The following RASSF2 variants were observed in gnomAD, a reference collection of about 807,000 sequenced individuals.
RASSF2 encodes ras association domain-containing protein 2.
In RASSF2, 34 loss-of-function variants were observed where a neutral mutation model predicts 46.3. That is an observed-to-expected ratio of 0.73 (90% CI 0.56 to 0.98). The LOEUF is 0.98. Ranked by LOEUF, RASSF2 falls within the 50% of genes least tolerant of loss-of-function variation. The pLI, the probability that RASSF2 is intolerant of heterozygous loss-of-function variation, is 0.00. For synonymous variants in RASSF2, 158 were observed against 162.5 expected, an observed-to-expected ratio of 0.97 and a Z score of 0.21; for missense variants, 364 against 431.2, an observed-to-expected ratio of 0.84 and a Z score of 1.38.
At chr20:4,804,423 T>G (rs986547938) in intron 2 of RASSF2, among the ~76,000 whole-genome samples, 1 of 140,498 alleles carries the variant, frequency 7.1e-6, no homozygotes, top group Non-Finnish European at 1.5e-5. Context: ...CTGCAACCTC[T>G]GCCTCCCAGG....
intron 5 of RASSF2, among the ~76,000 whole-genome samples, chr20:4,793,572 G>A (rs142559402): frequency 2.6e-4 from 39 of 152,290 alleles, no homozygotes; most frequent in African/African-American, 8.4e-4. Context: ...CCAGAGCAGC[G>A]ACTCCCACTC....
chr20:4,786,854 C>T (rs1359868459), intron 10 of RASSF2, among the ~76,000 whole-genome samples: 3 of 152,010 alleles, frequency 2.0e-5, no homozygotes, highest in Non-Finnish European at 4.4e-5. Flanking sequence ...GAGGCTGAGG[C>T]GGGCGGATCA....
chr20:4,786,305 C>T lies in RASSF2; in HGVS notation c.837G>A (p.Glu279=). 6.2e-7 allele frequency: 1 copy of T among 1,612,362 alleles called. No individual in the cohort carries two copies. The highest frequency in any genetic ancestry group is 2.2e-5 in the East Asian group (1 of 44,884). The part of the protein sequence containing the change: ...TYDVAQYIKF[E]MPVLKSFIQK... The stretch of plus-strand genomic sequence containing the variant: ...GAATGAAGCTTTTAAGTACCGGCAT[C>T]TCGAACTTTATATACTGGGCCACCT... Residue 279 remains glutamate, a synonymous_variant, in exon 11 of 12, where the codon GAG becomes GAA. Transcript: ENST00000379400.
At chr20:4,792,672 C>A (rs1264521921) in intron 5 of RASSF2, 45 bp from the exon 6 acceptor site, 2 of 1,598,358 alleles carry the variant, frequency 1.3e-6, no homozygotes, top group Non-Finnish European at 1.7e-6. Flanking sequence ...CTAGTTTAAG[C>A]CCTGTGGAGA....
intron 2 of RASSF2, among the ~76,000 whole-genome samples, chr20:4,813,040 T>C (rs1197438924): frequency 6.6e-6 from 1 of 152,064 alleles, no homozygotes; most frequent in Non-Finnish European, 1.5e-5. Flanking sequence ...ACGTGGGCAC[T>C]TGCAGTCACA....
intron 2 of RASSF2, among the ~76,000 whole-genome samples, chr20:4,805,362 G>C (rs980746289): frequency 6.6e-6 from 1 of 152,074 alleles, no homozygotes; most frequent in African/African-American, 2.4e-5. Context: ...CACTGTGGAC[G>C]AAGATGGAGG....
chr20:4,802,033 C>T (rs928480150), intron 2 of RASSF2, among the ~76,000 whole-genome samples: 5 of 152,204 alleles, frequency 3.3e-5, no homozygotes, highest in African/African-American at 1.2e-4. Context: ...AGCCACCGCG[C>T]CCAGCAGCAC....
At chr20:4,821,071 C>T (rs1198722617) in intron 2 of RASSF2, among the ~76,000 whole-genome samples, 1 of 152,180 alleles carries the variant, frequency 6.6e-6, no homozygotes, top group East Asian at 1.9e-4. Flanking sequence ...CATTCCTAAG[C>T]AGCTCACGTA....
chr20:4,798,461 A>G (rs1033129523), intron 3 of RASSF2, among the ~76,000 whole-genome samples: 1 of 152,184 alleles, frequency 6.6e-6, no homozygotes, highest in African/African-American at 2.4e-5. Context: ...ATTCTCCTGC[A>G]TGGCTGTGGC....
chr20:4,820,139 C>T (rs574147438), intron 2 of RASSF2, among the ~76,000 whole-genome samples: 1 of 152,304 alleles, frequency 6.6e-6, no homozygotes, highest in African/African-American at 2.4e-5. Context: ...TCCACAGTAA[C>T]CAACAAGCAG....
intron 2 of RASSF2, among the ~76,000 whole-genome samples, chr20:4,813,908 A>G (rs1928061831): frequency 6.6e-6 from 1 of 152,092 alleles, no homozygotes; most frequent in Admixed American, 6.6e-5. Context: ...CAGAGAAACT[A>G]AAGACCTAGA....
intron 9 of RASSF2, 109 bp downstream of exon 9, chr20:4,788,107 TG>T (rs758444073): frequency 5.4e-6 from 6 of 1,101,030 alleles, no homozygotes; most frequent in Non-Finnish European, 1.4e-6. Context: ...AAACAACATT[TG>T]GAAGTTTCCA....
chr20:4,806,781 C>T (rs954347614), intron 2 of RASSF2, among the ~76,000 whole-genome samples: 3 of 152,174 alleles, frequency 2.0e-5, no homozygotes, highest in Non-Finnish European at 4.4e-5. Flanking sequence ...CTCTCTCTAG[C>T]ACTATGCATC....
intron 9 of RASSF2, 103 bp from the exon 10 acceptor site, chr20:4,787,857 C>T (rs111805756): frequency 0.011 from 15,813 of 1,395,714 alleles, 145 homozygotes; most frequent in South Asian, 0.024. Context: ...CCGCCATATA[C>T]GTCAGGAGAC....
intron 2 of RASSF2, among the ~76,000 whole-genome samples, chr20:4,819,506 A>T (rs1457689103): frequency 6.6e-6 from 1 of 152,292 alleles, no homozygotes; most frequent in South Asian, 2.1e-4. Context: ...AACATGCCCC[A>T]AACTTATCTC....
rs1038362258 is a variant in RASSF2 at position 4,783,760 on chromosome 20, A to C, written c.*513T>G. On this transcript the variant is annotated 3_prime_UTR_variant, in exon 12 of 12. Coordinates refer to ENST00000379400, the MANE Select transcript of RASSF2 (RefSeq NM_014737.3). ...CAGGGAGAATTTCTACCAACATATA[A>C]ACAACCCAAATGGTGAACCTGGAGA... The C allele has an allele frequency of 6.5e-6, 1 of 153,994 alleles. No individual in the cohort carries two copies. The highest frequency in any genetic ancestry group is 2.4e-5 in the African/African-American group (1 of 41,480). 9.5% of individuals were successfully genotyped at this position (153,994 alleles called of 1,614,324 possible). A position where few individuals can be genotyped will look rare whatever the true frequency, so the allele number is the denominator to read the frequency against.
intron 2 of RASSF2, among the ~76,000 whole-genome samples, chr20:4,810,580 C>T (rs1389366018): frequency 1.3e-5 from 2 of 152,238 alleles, no homozygotes; most frequent in Admixed American, 1.3e-4. Context: ...GGAGACCCAG[C>T]ACCTCTCGTC....
intron 10 of RASSF2, 97 bp downstream of exon 10, chr20:4,787,536 C>T (rs1925463754): frequency 6.7e-7 from 1 of 1,491,154 alleles, no homozygotes; most frequent in Non-Finnish European, 9.3e-7. Flanking sequence ...GGGGCATGGT[C>T]GTTGGTCAAA....
chr20:4,813,740 T>C (rs1238959163), intron 2 of RASSF2, among the ~76,000 whole-genome samples: 2 of 152,096 alleles, frequency 1.3e-5, no homozygotes, highest in African/African-American at 2.4e-5. Context: ...TGCGTGGGTG[T>C]GAGCATAGCT....
Sources: gnomAD v4.1 joint callset for allele counts (sites outside exome capture counted in the v4.1 genomes callset) on GRCh38, gnomAD v4.1.1 for gene constraint, MANE v1.5 for transcripts, NCBI Gene and HGNC (gene_info 2026-07-23, HGNC 2026-07-21) for gene names.